Variants in PHLDB2 observed in about 807,000 individuals in gnomAD.
The protein encoded by PHLDB2 is pleckstrin homology like domain family B member 2.
PHLDB2 carries 71 observed loss-of-function variants against 123.6 expected under a neutral mutation model. The observed-to-expected ratio is 0.57, with a 90% confidence interval of 0.47 to 0.70. PHLDB2 has a LOEUF of 0.70. Among genes scored for constraint, PHLDB2 ranks in the 30% least tolerant of loss-of-function variants. PHLDB2 has a pLI of 0.00. For missense variants in PHLDB2, 1,446 were observed against 1,519.5 expected, an observed-to-expected ratio of 0.95 and a Z score of 0.80; for synonymous variants, 547 against 541.6, an observed-to-expected ratio of 1.01 and a Z score of -0.14.
intron 15 of PHLDB2, among the ~76,000 whole-genome samples, chr3:111,968,056 G>A (rs943525072): frequency 6.7e-6 from 1 of 149,450 alleles, no homozygotes; most frequent in African/African-American, 2.5e-5. Context: ...CTTTTCTTTA[G>A]TCATGCATGG....
At chr3:111,792,015 C>A (rs912558694) in intron 1 of PHLDB2, among the ~76,000 whole-genome samples, 4 of 152,224 alleles carry the variant, frequency 2.6e-5, no homozygotes, top group African/African-American at 4.8e-5. Context: ...AACCATCATT[C>A]TCCTCTCTAC....
chr3:111,882,318 G>A (rs1297037700), intron 1 of PHLDB2, among the ~76,000 whole-genome samples: 2 of 152,164 alleles, frequency 1.3e-5, no homozygotes, highest in Admixed American at 6.5e-5. Context: ...AACGAGAGGT[G>A]ATGTTAGTTC....
chr3:111,961,503 T>G (rs1216380904), intron 12 of PHLDB2, among the ~76,000 whole-genome samples: 1 of 152,080 alleles, frequency 6.6e-6, no homozygotes, highest in Non-Finnish European at 1.5e-5. Context: ...GAATGTTGAC[T>G]CTGAATTAAA....
chr3:111,744,674 T>A (rs1168951200), intron 1 of PHLDB2, among the ~76,000 whole-genome samples: 1 of 152,202 alleles, frequency 6.6e-6, no homozygotes, highest in Non-Finnish European at 1.5e-5. Context: ...GGCCAATAGA[T>A]CTGTGTTTAA....
At chr3:111,937,073 T>C (rs1268216749) in intron 6 of PHLDB2, among the ~76,000 whole-genome samples, 1 of 152,236 alleles carries the variant, frequency 6.6e-6, no homozygotes, top group Non-Finnish European at 1.5e-5. Flanking sequence ...AAATAAAATG[T>C]AAAGAAGTGT....
chr3:111,827,981 C>T (rs892203350), intron 1 of PHLDB2, among the ~76,000 whole-genome samples: 11 of 152,216 alleles, frequency 7.2e-5, no homozygotes, highest in Non-Finnish European at 1.2e-4. Context: ...GTATAGCTTA[C>T]GTGCAGTGCA....
intron 2 of PHLDB2, among the ~76,000 whole-genome samples, chr3:111,848,548 G>A (rs1056977722): frequency 4.6e-5 from 7 of 152,242 alleles, no homozygotes; most frequent in Non-Finnish European, 1.0e-4. Context: ...AGGGATCTCA[G>A]ACCTTATCTG....
intron 2 of PHLDB2, among the ~76,000 whole-genome samples, chr3:111,899,359 C>A (rs1056738978): frequency 4.6e-5 from 7 of 152,256 alleles, no homozygotes; most frequent in African/African-American, 1.7e-4. Flanking sequence ...GTTTGCTGCA[C>A]CTATCAACCC....
chr3:111,799,667 T>A (rs1320518512), intron 1 of PHLDB2, among the ~76,000 whole-genome samples: 2 of 152,182 alleles, frequency 1.3e-5, no homozygotes, highest in African/African-American at 4.8e-5. Flanking sequence ...TATAAAGACT[T>A]CCAGCAATTT....
chr3:111,881,660 CAT>C (rs2065932354), intron 1 of PHLDB2, among the ~76,000 whole-genome samples: 1 of 151,920 alleles, frequency 6.6e-6, no homozygotes, highest in Non-Finnish European at 1.5e-5. Flanking sequence ...AGAATGGCAT[CAT>C]GTGTAGTCTG....
At chr3:111,796,339 G>A (rs1226858791) in intron 1 of PHLDB2, among the ~76,000 whole-genome samples, 1 of 152,184 alleles carries the variant, frequency 6.6e-6, no homozygotes, top group Non-Finnish European at 1.5e-5. Context: ...TGTTGATTCT[G>A]CCCTCAAAAT....
chr3:111,919,376 A>G (rs951661), intron 4 of PHLDB2, among the ~76,000 whole-genome samples, 161 bp downstream of exon 4: 67,223 of 144,480 alleles, frequency 0.47, 16,029 homozygotes, highest in Non-Finnish European at 0.55. Context: ...CCCTTTTTCT[A>G]CATTCCTTTT....
intron 12 of PHLDB2, among the ~76,000 whole-genome samples, chr3:111,955,157 ATATC>A (rs1157472009): frequency 6.7e-6 from 1 of 149,546 alleles, no homozygotes; most frequent in Non-Finnish European, 1.5e-5. Context: ...ATATATATAT[ATATC>A]TCTCACTGGA....
Position 111,952,587 on chromosome 3 carries a change from G to A in PHLDB2, c.2647G>A (p.Glu883Lys), listed in dbSNP as rs759084793. ...GCATTTAAAGCACTTTAGAAGTCTG[G>A]AAGAAAGGAAAAAACAGCATAAAGA... ...PQSKEHFRSL[E>K]ERKKQHKEGL... Residue 883 changes from glutamate (E) to lysine (K), a missense_variant, in exon 11 of 18, where the codon GAA (glutamate) becomes AAA (lysine). Physicochemically the swap from Glu to Lys is moderately conservative, Grantham distance 56. This residue lies in a region of PHLDB2 where 594 missense variants were observed against 646.0 expected (regional missense o/e 0.92). Transcript: ENST00000431670. 51 of 1,612,534 alleles carry A rather than the reference G, an allele frequency of 3.2e-5. No homozygotes were observed. The highest frequency in any genetic ancestry group is 4.2e-5 in the Non-Finnish European group (50 of 1,179,544).
intron 1 of PHLDB2, 120 bp downstream of exon 1, chr3:111,859,696 G>T: frequency 1.0e-6 from 1 of 985,426 alleles, no homozygotes; most frequent in Non-Finnish European, 1.2e-6. Context: ...GTTGCGCTGC[G>T]GAGGGTTGGG....
intron 1 of PHLDB2, among the ~76,000 whole-genome samples, chr3:111,805,744 A>G (rs1006482829): frequency 6.8e-6 from 1 of 148,054 alleles, no homozygotes; most frequent in South Asian, 2.3e-4. Flanking sequence ...GCCTGGGGCC[A>G]GGGGTGGTGA....
At chr3:111,838,786 T>C (rs567582994) in intron 1 of PHLDB2, among the ~76,000 whole-genome samples, 3 of 152,288 alleles carry the variant, frequency 2.0e-5, no homozygotes, top group African/African-American at 7.2e-5. Flanking sequence ...AATCTAAGAA[T>C]AGACTCTGAG....
intron 1 of PHLDB2, among the ~76,000 whole-genome samples, chr3:111,751,753 G>GT (rs1384997532): frequency 2.0e-5 from 3 of 151,690 alleles, no homozygotes; most frequent in African/African-American, 4.9e-5. Context: ...ACGAGTTAAT[G>GT]GGTGCAGCAC....
intron 1 of PHLDB2, among the ~76,000 whole-genome samples, chr3:111,825,369 C>T (rs1038043127): frequency 3.3e-5 from 5 of 152,202 alleles, no homozygotes; most frequent in African/African-American, 1.2e-4. Context: ...TTCTTGAAGA[C>T]AGATGTAGGA....
Sources: allele counts gnomAD v4.1 joint callset (sites outside exome capture counted in the v4.1 genomes callset), GRCh38; gene constraint gnomAD v4.1.1; regional missense constraint gnomAD v4.1.1; transcripts MANE v1.5; gene names NCBI Gene and HGNC (gene_info 2026-07-23, HGNC 2026-07-21).